SERINC5: variants seen among roughly 807,000 people sequenced by gnomAD.
SERINC5 encodes chromosome 5 open reading frame 12.
SERINC5 carries 41 observed loss-of-function variants against 63.1 expected under a neutral mutation model. That is an observed-to-expected ratio of 0.65 (90% CI 0.51 to 0.84). The LOEUF is 0.84. SERINC5 is among the 40% of genes least tolerant of loss of function. The probability of loss-of-function intolerance (pLI) is 0.00; values close to 1 mark genes in which losing one functional copy is unlikely to be tolerated. For missense variants in SERINC5, 523 were observed against 573.0 expected (o/e 0.91, Z 0.89); for synonymous variants, 222 against 215.2 (o/e 1.03, Z -0.28).
rs138438799 is a variant in SERINC5 at position 80,138,847 on chromosome 5, T to C, written c.*4816A>G. 1.4e-5 allele frequency: 14 copies of C among 982,236 alleles called. No homozygotes were observed. The African/African-American group carries it at 2.4e-4, about 17-fold the overall frequency. 60.8% of individuals were successfully genotyped at this position (982,236 alleles called of 1,614,324 possible). ...ATCTCTGCAAAACAACTAACTTGAG[T>C]ACTTTAATTATATATGTATCTAGCA... On this transcript the variant is annotated 3_prime_UTR_variant, in exon 12 of 12. Coordinates refer to ENST00000507668, the MANE Select transcript of SERINC5 (RefSeq NM_001174072.3).
chr5:80,165,444 ATGTG>A (rs1747230485), intron 7 of SERINC5, among the ~76,000 whole-genome samples: 1 of 152,216 alleles, frequency 6.6e-6, no homozygotes, highest in South Asian at 2.1e-4. Flanking sequence ...ATATATGCTT[ATGTG>A]TATGTATGTA....
At chr5:80,155,858 C>T (rs1055157775) in intron 8 of SERINC5, among the ~76,000 whole-genome samples, 1 of 152,094 alleles carries the variant, frequency 6.6e-6, no homozygotes. Context: ...TTCCTGGGTG[C>T]AATGGAAGGA....
intron 2 of SERINC5, among the ~76,000 whole-genome samples, chr5:80,184,810 G>A (rs1748698398): frequency 6.6e-6 from 1 of 152,168 alleles, no homozygotes; most frequent in Non-Finnish European, 1.5e-5. Flanking sequence ...TGCCTGCTAA[G>A]GGTGTTACCT....
At chr5:80,240,865 T>C (rs1751910494) in intron 1 of SERINC5, among the ~76,000 whole-genome samples, 1 of 151,918 alleles carries the variant, frequency 6.6e-6, no homozygotes. Flanking sequence ...TAGAGATGAG[T>C]TCTCACTATT....
intron 1 of SERINC5, among the ~76,000 whole-genome samples, chr5:80,252,971 C>A (rs967420133): frequency 1.3e-5 from 2 of 152,188 alleles, no homozygotes; most frequent in African/African-American, 2.4e-5. Context: ...TGGTGACTTG[C>A]CATTTCCATT....
intron 1 of SERINC5, among the ~76,000 whole-genome samples, chr5:80,250,950 T>G (rs1452249545): frequency 6.8e-5 from 8 of 117,742 alleles, no homozygotes; most frequent in African/African-American, 2.5e-4. Flanking sequence ...CTACAGTCAA[T>G]AGTTACTGAA....
At chr5:80,169,313 GA>G (rs762840995) in intron 6 of SERINC5, 21 bp downstream of exon 6, 1 of 1,598,852 alleles carries the variant, frequency 6.3e-7, no homozygotes, top group Non-Finnish European at 8.6e-7. Context: ...AAGTAACGAA[GA>G]ATGGAAAAAA....
At position 80,143,303 on chromosome 5, in the gene SERINC5, G is replaced by A; in HGVS notation, c.*360C>T. 1 of 1,012,508 alleles carries A rather than the reference G, an allele frequency of 9.9e-7. No individual in the cohort carries two copies. Among genetic ancestry groups the A allele is most frequent in the South Asian group, 4.3e-5 (1 of 23,370 alleles). The allele number at this position is 1,012,508 out of a possible 1,614,324, so 62.7% of individuals were successfully genotyped here. ...TTTTGGCATGTTTTTCTATTCCGAG[G>A]ATGAGAATGACTGGCCCCACAAGAT... On this transcript the variant is annotated 3_prime_UTR_variant, in exon 12 of 12. Coordinates refer to ENST00000507668, the MANE Select transcript of SERINC5 (RefSeq NM_001174072.3).
Position 80,147,267 on chromosome 5 carries a change from A to G in SERINC5, c.1071T>C (p.Phe357=). The G allele has an allele frequency of 6.2e-7, 1 of 1,605,852 alleles. No homozygotes were observed. The highest frequency in any genetic ancestry group is 8.5e-7 in the Non-Finnish European group (1 of 1,176,670). The change falls in exon 10 of 12, where the codon TTT becomes TTC. Residue 357 remains phenylalanine (F), a synonymous_variant. Transcript: ENST00000507668. ...TACCCTCTCCACCAGGACTGAAGCA[A>G]AAACAACAGCGAGCTATCTGTGAAA... The part of the protein sequence containing the change: ...APELEIARCC[F]CFSPGGEDTE...
chr5:80,243,743 TTAAATAAA>T (rs70982044), intron 1 of SERINC5, among the ~76,000 whole-genome samples: 6,291 of 140,016 alleles, frequency 0.045, 214 homozygotes, highest in Admixed American at 0.064. Context: ...CTGTCTCTAT[TTAAATAAA>T]TAAATAAATA....
At chr5:80,125,581 G>A (rs762404896) in intron 11 of SERINC5, among the ~76,000 whole-genome samples, 15 of 152,180 alleles carry the variant, frequency 9.9e-5, no homozygotes, top group African/African-American at 1.7e-4. Flanking sequence ...CTTGAAAGCC[G>A]TAAGTATATG....
intron 6 of SERINC5, among the ~76,000 whole-genome samples, chr5:80,169,010 T>C (rs1019299983): frequency 1.3e-5 from 2 of 152,236 alleles, no homozygotes; most frequent in African/African-American, 2.4e-5. Flanking sequence ...GGCAAGCTCA[T>C]AAACACCTGA....
At chr5:80,244,385 T>G (rs1752078140) in intron 1 of SERINC5, among the ~76,000 whole-genome samples, 1 of 151,924 alleles carries the variant, frequency 6.6e-6, no homozygotes, top group Non-Finnish European at 1.5e-5. Context: ...CTGGCTAATT[T>G]TTGTATTTTT....
In SERINC5 at chr5:80,139,493, G is replaced by C. The variant is rs942488400; in HGVS notation, c.*4170C>G. 1.7e-5 allele frequency: 17 copies of C among 984,930 alleles called. No homozygotes were observed. The African/African-American group carries it at 2.8e-4, about 16-fold the overall frequency. 61.0% of individuals were successfully genotyped at this position (984,930 alleles called of 1,614,324 possible). On this transcript the variant is annotated 3_prime_UTR_variant, in exon 12 of 12. Coordinates refer to ENST00000507668, the MANE Select transcript of SERINC5 (RefSeq NM_001174072.3). ...TGCCCTTCCCCATTTGTTTCTTTCT[G>C]AAAGGATTTTGCTTAAGGAAAAAAA...
rs772887204 is a variant in SERINC5 at position 80,158,822 on chromosome 5, C to T, written c.986+14G>A. On this transcript the variant is annotated intron_variant, in intron 8 of 11. Coordinates refer to ENST00000507668, the MANE Select transcript of SERINC5 (RefSeq NM_001174072.3). ...AGTCTGCAAAAGTGACCTTGAGTAA[C>T]TCCCAAGACTTACCATGAATACAAG... The T allele has an allele frequency of 1.9e-6, 3 of 1,611,474 alleles. No homozygotes were observed. The highest frequency in any genetic ancestry group is 3.3e-5 in the Admixed American group (2 of 59,770).
At chr5:80,212,425 C>T (rs10514179) in intron 1 of SERINC5, among the ~76,000 whole-genome samples, 18,790 of 152,188 alleles carry the variant, frequency 0.12, 1,352 homozygotes, top group Non-Finnish European at 0.16. Flanking sequence ...CATAATACTG[C>T]CCATGCCGTG....
intron 1 of SERINC5, among the ~76,000 whole-genome samples, chr5:80,231,153 A>C (rs1438053908): frequency 6.6e-6 from 1 of 152,236 alleles, no homozygotes; most frequent in Non-Finnish European, 1.5e-5. Context: ...GTGAATGTGG[A>C]AAAGAGAAAA....
rs1746699563 is a variant in SERINC5, at chr5:80,158,824, C to A, written c.986+12G>T. 2 of 1,612,238 alleles carry A rather than the reference C, an allele frequency of 1.2e-6. No homozygotes were observed. Among genetic ancestry groups the A allele is most frequent in the Non-Finnish European group, 1.7e-6 (2 of 1,179,556 alleles). Reference sequence around the variant, plus strand: ...TCTGCAAAAGTGACCTTGAGTAACTCCCAAGACTTACCATGAATACAAGAT... The same window carrying A: ...TCTGCAAAAGTGACCTTGAGTAACTACCAAGACTTACCATGAATACAAGAT... On this transcript the variant is annotated intron_variant, in intron 8 of 11. Coordinates refer to ENST00000507668, the MANE Select transcript of SERINC5 (RefSeq NM_001174072.3).
intron 1 of SERINC5, among the ~76,000 whole-genome samples, chr5:80,249,242 G>A (rs1299845890): frequency 6.6e-6 from 1 of 151,880 alleles, no homozygotes; most frequent in African/African-American, 2.4e-5. Context: ...GTGAACCTGG[G>A]AGGCGGAGCT....
Sources: allele counts gnomAD v4.1 joint callset (sites outside exome capture counted in the v4.1 genomes callset), GRCh38; gene constraint gnomAD v4.1.1; transcripts MANE v1.5; gene names NCBI Gene and HGNC (gene_info 2026-07-23, HGNC 2026-07-21).